NUTF2: variants seen among roughly 807,000 people sequenced by gnomAD.
NUTF2 encodes the protein placental protein 15.
A neutral mutation model predicts 18.5 loss-of-function variants in NUTF2; 3 were observed. The observed-to-expected ratio is 0.16, with a 90% CI of 0.07 to 0.42. The LOEUF (loss-of-function observed/expected upper bound fraction) is 0.42. Among genes scored for constraint, NUTF2 ranks in the 10% least tolerant of loss-of-function variants. The probability of loss-of-function intolerance (pLI) is 0.99; values close to 1 mark genes in which losing one functional copy is unlikely to be tolerated. For missense variants in NUTF2, 44 were observed against 160.7 expected, an observed-to-expected ratio of 0.27 and a Z score of 3.93; for synonymous variants, 51 against 57.9, an observed-to-expected ratio of 0.88 and a Z score of 0.54.
chr16:67,868,714 G>A, intron 4 of NUTF2, 115 bp downstream of exon 4: 2 of 957,870 alleles, frequency 2.1e-6, no homozygotes, highest in Admixed American at 2.0e-5. Flanking sequence ...CAAAGTGACT[G>A]TCTAGAGCTG....
Position 67,848,510 on chromosome 16 carries a change from G to C in NUTF2, c.-30+1525G>C, listed in dbSNP as rs138456271. 6.3e-3 allele frequency among the ~76,000 whole-genome samples: 953 copies of C among 152,326 alleles called. 5 individuals are homozygous for C. Among genetic ancestry groups the C allele is most frequent in the African/African-American group, 0.021 (890 of 41,582 alleles). ...AGGCAGGAGAATTGCTTGAACCCGGGAGGTGGAGGTCGCAGTGAACTGAGA... is the reference window on the plus strand; with the variant it reads ...AGGCAGGAGAATTGCTTGAACCCGGCAGGTGGAGGTCGCAGTGAACTGAGA... On this transcript the variant is annotated intron_variant, in intron 1 of 4. Transcript: ENST00000219169.
At chr16:67,861,948 A>T (rs544135402) in intron 1 of NUTF2, among the ~76,000 whole-genome samples, 1 of 152,014 alleles carries the variant, frequency 6.6e-6, no homozygotes, top group African/African-American at 2.4e-5. Context: ...TCCCGTGGGA[A>T]GGGTGGGGAT....
At chr16:67,855,887 CGG>C (rs796843812) in intron 1 of NUTF2, 217 of 186,364 alleles carry the variant, frequency 1.2e-3, no homozygotes, top group African/African-American at 3.6e-3. Context: ...TTTTTTTTGG[CGG>C]GGGGGGGGGA....
chr16:67,850,730 G>A (rs1020365885), intron 1 of NUTF2, among the ~76,000 whole-genome samples: 2 of 152,270 alleles, frequency 1.3e-5, no homozygotes, highest in Non-Finnish European at 2.9e-5. Flanking sequence ...CAAGGATGAG[G>A]CAGGATACAA....
intron 1 of NUTF2, among the ~76,000 whole-genome samples, chr16:67,852,509 G>T (rs1322751811): frequency 6.6e-6 from 1 of 151,544 alleles, no homozygotes; most frequent in Admixed American, 6.6e-5. Flanking sequence ...CCCGCCTGCC[G>T]GTATAATCCG....
chr16:67,850,034 C>T (rs1316104065), intron 1 of NUTF2, among the ~76,000 whole-genome samples: 1 of 151,934 alleles, frequency 6.6e-6, no homozygotes, highest in Non-Finnish European at 1.5e-5. Flanking sequence ...TCAAGCGATA[C>T]TCCCACCTCA....
At chr16:67,853,461 G>T (rs2057874678) in intron 1 of NUTF2, among the ~76,000 whole-genome samples, 1 of 152,138 alleles carries the variant, frequency 6.6e-6, no homozygotes, top group Non-Finnish European at 1.5e-5. Flanking sequence ...GGGTTCAAGA[G>T]ATTCTCCTGC....
intron 1 of NUTF2, chr16:67,856,061 T>C: frequency 1.5e-6 from 1 of 685,198 alleles, no homozygotes. Flanking sequence ...TGTTACGATG[T>C]GGCCAATCTG....
At chr16:67,852,741 G>A (rs181861596) in intron 1 of NUTF2, among the ~76,000 whole-genome samples, 7 of 151,954 alleles carry the variant, frequency 4.6e-5, no homozygotes, top group Non-Finnish European at 8.8e-5. Flanking sequence ...GTGCAATGGC[G>A]TGATCTCGGC....
At chr16:67,860,872 A>G (rs1480604508) in intron 1 of NUTF2, among the ~76,000 whole-genome samples, 1 of 152,156 alleles carries the variant, frequency 6.6e-6, no homozygotes. Context: ...CTTTGCTGAG[A>G]TGGTAGAACA....
intron 1 of NUTF2, among the ~76,000 whole-genome samples, chr16:67,860,645 AGGCTGTGTTTTT>A (rs2057929247): frequency 6.6e-6 from 1 of 152,200 alleles, no homozygotes; most frequent in South Asian, 2.1e-4. Context: ...CTGTGCCTCA[AGGCTGTGTTTTT>A]GGCCTCCGTG....
At chr16:67,866,306 G>GTTT (rs921901942) in intron 2 of NUTF2, among the ~76,000 whole-genome samples, 10 of 134,018 alleles carry the variant, frequency 7.5e-5, no homozygotes, top group Admixed American at 7.5e-5. Flanking sequence ...TCATAGTAGA[G>GTTT]TTTTTTTTTT....
intron 1 of NUTF2, among the ~76,000 whole-genome samples, chr16:67,850,370 A>T (rs1354322547): frequency 6.6e-6 from 1 of 151,660 alleles, no homozygotes; most frequent in East Asian, 2.0e-4. Context: ...ACGCCCGGCT[A>T]ATTTTTTGTG....
At position 67,856,813 on chromosome 16, in the gene NUTF2, TC is replaced by T. The variant is rs1250317035; in HGVS notation, c.-29-8288del. Reference sequence around the variant, plus strand: ...GCATGAGCCACTGTGCCCGGCCCCATCTCGGCCAGTTTTGTGGACATTCTAA... The same window carrying T: ...GCATGAGCCACTGTGCCCGGCCCCATTCGGCCAGTTTTGTGGACATTCTAA... On this transcript the variant is annotated intron_variant, in intron 1 of 4. Coordinates refer to ENST00000219169, the MANE Select transcript of NUTF2 (RefSeq NM_005796.3). 5.4e-4 allele frequency among the ~76,000 whole-genome samples: 83 copies of T among 152,328 alleles called. 1 individual carries two copies. The highest frequency in any genetic ancestry group is 1.9e-3 in the African/African-American group (78 of 41,574).
intron 1 of NUTF2, among the ~76,000 whole-genome samples, chr16:67,850,498 G>T (rs535648842): frequency 1.3e-5 from 2 of 152,064 alleles, no homozygotes; most frequent in Non-Finnish European, 2.9e-5. Context: ...GAGCCACCGC[G>T]CCTGGCCGTT....
At chr16:67,859,927 CG>C (rs1181261204) in intron 1 of NUTF2, among the ~76,000 whole-genome samples, 1 of 150,488 alleles carries the variant, frequency 6.6e-6, no homozygotes, top group Non-Finnish European at 1.5e-5. Flanking sequence ...CTCAGCCTCC[CG>C]GGTAGCTGGG....
chr16:67,853,389 A>G (rs940924451), intron 1 of NUTF2, among the ~76,000 whole-genome samples: 2 of 151,810 alleles, frequency 1.3e-5, no homozygotes, highest in South Asian at 4.2e-4. Context: ...ACGGAGTCTC[A>G]CTCTGTCTCC....
chr16:67,854,316 C>A (rs2057880576), intron 1 of NUTF2, among the ~76,000 whole-genome samples: 1 of 152,228 alleles, frequency 6.6e-6, no homozygotes, highest in Non-Finnish European at 1.5e-5. Flanking sequence ...TTCACTGAGA[C>A]CCTCCTATGG....
intron 1 of NUTF2, chr16:67,856,148 C>A: frequency 2.5e-6 from 1 of 403,794 alleles, no homozygotes; most frequent in Non-Finnish European, 4.6e-6. Context: ...GTGCTTTCTG[C>A]TACTCCACAT....
Sources: allele counts gnomAD v4.1 joint callset (sites outside exome capture counted in the v4.1 genomes callset), GRCh38; gene constraint gnomAD v4.1.1; transcripts MANE v1.5; gene names NCBI Gene and HGNC (gene_info 2026-07-23, HGNC 2026-07-21).